Variants in LGR6 observed in about 807,000 individuals in gnomAD.
LGR6 encodes the protein leucine rich repeat containing G protein-coupled receptor 6.
In LGR6, 45 loss-of-function variants were observed where a neutral mutation model predicts 69.4. The observed-to-expected ratio is 0.65, with a 90% CI of 0.51 to 0.83. LGR6 has a LOEUF of 0.83. LGR6 is among the 40% of genes least tolerant of loss of function. The pLI is 0.00. For missense variants in LGR6, 1,108 were observed against 1,246.7 expected (o/e 0.89, Z 1.68); for synonymous variants, 538 against 555.0 (o/e 0.97, Z 0.43).
At chr1:202,234,874 T>C (rs1661394461) in intron 3 of LGR6, among the ~76,000 whole-genome samples, 1 of 152,176 alleles carries the variant, frequency 6.6e-6, no homozygotes, top group African/African-American at 2.4e-5. Flanking sequence ...AAGGGGTAAT[T>C]GAGTCTCCTA....
At chr1:202,316,140 G>T (rs925940263) in intron 17 of LGR6, among the ~76,000 whole-genome samples, 2 of 152,128 alleles carry the variant, frequency 1.3e-5, no homozygotes, top group South Asian at 2.1e-4. Context: ...GTCTTAGTCC[G>T]CTTCGTGTTG....
intron 6 of LGR6, among the ~76,000 whole-genome samples, chr1:202,294,400 T>C (rs939201984): frequency 2.6e-5 from 4 of 152,226 alleles, no homozygotes; most frequent in African/African-American, 9.6e-5. Context: ...ATCACTTTAT[T>C]ATTCTTCATG....
At chr1:202,202,802 A>G (rs1384055707) in intron 1 of LGR6, among the ~76,000 whole-genome samples, 2 of 152,194 alleles carry the variant, frequency 1.3e-5, no homozygotes, top group Non-Finnish European at 2.9e-5. Flanking sequence ...GGTCGGTCCT[A>G]GGACACAATT....
rs1667752769 is a variant in LGR6, at chr1:202,303,411, C to T, written c.998+64C>T. On this transcript the variant is annotated intron_variant, in intron 10 of 17. Coordinates refer to ENST00000367278, the MANE Select transcript of LGR6 (RefSeq NM_001017403.2). ...AGCTTCATTCCCAAGAGCTCTTCCA[C>T]TCCCTGCCCCTGGAAGGCTGTCTAG... 2.3e-5 allele frequency: 29 copies of T among 1,277,902 alleles called. No homozygotes were observed. The South Asian group carries it at 3.4e-4, about 15-fold the overall frequency. 79.2% of individuals were successfully genotyped at this position (1,277,902 alleles called of 1,614,324 possible).
Position 202,312,214 on chromosome 1 carries a change from C to T in LGR6, c.1567+1857C>T, listed in dbSNP as rs555379975. 3.0e-3 allele frequency among the ~76,000 whole-genome samples: 455 copies of T among 152,376 alleles called. 1 individual carries two copies. Among genetic ancestry groups the T allele is most frequent in the Middle Eastern group, 0.01 (3 of 294 alleles). ...GAAGGAAAGCCAGGAGCTGCTGCTC[C>T]AGCCAGATTCGATTTCCTCCTCGTT... On this transcript the variant is annotated intron_variant, in intron 16 of 17. Transcript: ENST00000367278.
intron 1 of LGR6, among the ~76,000 whole-genome samples, chr1:202,212,557 T>C (rs1192929927): frequency 6.6e-6 from 1 of 152,214 alleles, no homozygotes; most frequent in East Asian, 1.9e-4. Flanking sequence ...GCGTGCCTCT[T>C]CCAGCTTCTC....
At chr1:202,199,173 C>A (rs2361445) in intron 1 of LGR6, among the ~76,000 whole-genome samples, 1 of 152,098 alleles carries the variant, frequency 6.6e-6, no homozygotes, top group East Asian at 1.9e-4. Flanking sequence ...GAAAGCTCCC[C>A]GGGAGAGCTG....
At chr1:202,285,688 A>C (rs576077350) in intron 6 of LGR6, among the ~76,000 whole-genome samples, 29 of 152,278 alleles carry the variant, frequency 1.9e-4, no homozygotes, top group African/African-American at 7.0e-4. Flanking sequence ...GTGTCATTTC[A>C]CAGTGGTCCA....
At chr1:202,301,512 C>A (rs984790044) in intron 9 of LGR6, among the ~76,000 whole-genome samples, 3 of 152,198 alleles carry the variant, frequency 2.0e-5, no homozygotes, top group South Asian at 2.1e-4. Flanking sequence ...TTTCATCTGG[C>A]CTCTTGGGTT....
intron 1 of LGR6, among the ~76,000 whole-genome samples, chr1:202,218,475 T>C (rs1571828684): frequency 6.6e-6 from 1 of 152,072 alleles, no homozygotes; most frequent in Non-Finnish European, 1.5e-5. Flanking sequence ...GTTTTTAATT[T>C]TGTATAGGGA....
chr1:202,307,759 A>G (rs1653363085), intron 14 of LGR6, among the ~76,000 whole-genome samples: 1 of 152,170 alleles, frequency 6.6e-6, no homozygotes, highest in Non-Finnish European at 1.5e-5. Context: ...TAGATGTGGG[A>G]GCCAGGGTCT....
chr1:202,298,981 C>T (rs1354888581), intron 7 of LGR6, among the ~76,000 whole-genome samples: 3 of 149,778 alleles, frequency 2.0e-5, no homozygotes, highest in South Asian at 2.3e-4. Context: ...ATAGTCTGGC[C>T]GGGCGTGGTG....
intron 1 of LGR6, among the ~76,000 whole-genome samples, chr1:202,200,602 C>A (rs1658803788): frequency 6.6e-6 from 1 of 152,190 alleles, no homozygotes; most frequent in African/African-American, 2.4e-5. Flanking sequence ...ATGGCAACTT[C>A]TTTTAGCCAA....
At chr1:202,223,517 T>C (rs955900954) in intron 1 of LGR6, among the ~76,000 whole-genome samples, 2 of 151,952 alleles carry the variant, frequency 1.3e-5, no homozygotes, top group Non-Finnish European at 2.9e-5. Flanking sequence ...CAACAGTGCA[T>C]GTCTAGGGAA....
rs763547063 is a variant in LGR6 at position 202,309,140 on chromosome 1, C to T, written c.1370C>T (p.Ser457Phe). 3.7e-6 allele frequency: 6 copies of T among 1,614,168 alleles called. No homozygotes were observed. In the South Asian group the frequency reaches 6.6e-5, roughly 18 times the overall value. ...HLKLKGNLAL[S>F]QAFSKDSFPK... ...AAGCTCAAAGGGAACCTTGCTCTCT[C>T]CCAGGCCTTCTCCAAGGACAGTTTC... Residue 457 changes from serine to phenylalanine, a missense_variant, in exon 15 of 18, where the codon TCC becomes TTC. Coordinates refer to ENST00000367278, the MANE Select transcript of LGR6 (RefSeq NM_001017403.2).
chr1:202,227,952 C>T lies in LGR6; in HGVS notation c.301C>T (p.His101Tyr). 1 of 1,613,796 alleles carries T rather than the reference C, an allele frequency of 6.2e-7. No homozygotes were observed. Among genetic ancestry groups the T allele is most frequent in the East Asian group, 2.2e-5 (1 of 44,884 alleles). The change falls in exon 3 of 18, where the codon CAT (histidine) becomes TAT (tyrosine). Residue 101 changes from histidine (H) to tyrosine (Y), a missense_variant. Transcript: ENST00000367278. ...FLEELRLSGN[H>Y]LSHIPGQAFS... Reference sequence around the variant, plus strand: ...GATTTCCAGGCGTCTCTCTGGGAACCATCTCTCACACATCCCAGGACAAGC... The same window carrying T: ...GATTTCCAGGCGTCTCTCTGGGAACTATCTCTCACACATCCCAGGACAAGC...
At chr1:202,265,785 T>G (rs887738792) in intron 4 of LGR6, among the ~76,000 whole-genome samples, 13 of 152,210 alleles carry the variant, frequency 8.5e-5, no homozygotes, top group African/African-American at 2.9e-4. Context: ...ATGCTGAAAG[T>G]GCCCATAACT....
intron 4 of LGR6, among the ~76,000 whole-genome samples, chr1:202,273,826 C>G (rs1179183761): frequency 6.6e-6 from 1 of 152,102 alleles, no homozygotes; most frequent in African/African-American, 2.4e-5. Flanking sequence ...CCTGCATTCT[C>G]TTCCCTCAAG....
chr1:202,273,665 C>T (rs1411192668), intron 4 of LGR6, among the ~76,000 whole-genome samples: 1 of 151,798 alleles, frequency 6.6e-6, no homozygotes, highest in Non-Finnish European at 1.5e-5. Flanking sequence ...CTATGTTGGT[C>T]AGGCTGGTCT....
Sources: gnomAD v4.1 joint callset for allele counts (sites outside exome capture counted in the v4.1 genomes callset) on GRCh38, gnomAD v4.1.1 for gene constraint, MANE v1.5 for transcripts, NCBI Gene and HGNC (gene_info 2026-07-23, HGNC 2026-07-21) for gene names.